Variants in HTR1F observed in about 807,000 individuals in gnomAD.
The protein encoded by HTR1F is 5-hydroxytryptamine receptor 1F.
In HTR1F, 17 loss-of-function variants were observed where a neutral mutation model predicts 24.0. That is an observed-to-expected ratio of 0.71 (90% CI 0.48 to 1.06). The LOEUF (loss-of-function observed/expected upper bound fraction) is 1.06. Ranked by LOEUF, HTR1F falls within the 50% of genes least tolerant of loss-of-function variation. The probability of loss-of-function intolerance (pLI) is 0.00; values close to 1 mark genes in which losing one functional copy is unlikely to be tolerated. For missense variants in HTR1F, 391 were observed against 427.8 expected, an observed-to-expected ratio of 0.91 and a Z score of 0.76; for synonymous variants, 186 against 156.8, an observed-to-expected ratio of 1.19 and a Z score of -1.39.
At position 87,854,982 on chromosome 3, in the gene HTR1F, T is replaced by G. The variant is rs536554493; in HGVS notation, c.-43+32858T>G. On this transcript the variant is annotated intron_variant, in intron 2 of 2. Transcript: ENST00000319595. ...CTTTATGTCTCCTCAAGCAGATCTA[T>G]TCATTAGAGCATCTTTCCTAGTTGT... Among the ~76,000 whole-genome samples the G allele has an allele frequency of 2.2e-3, 333 of 152,188 alleles. 2 individuals carry two copies. Among genetic ancestry groups the G allele is most frequent in the Non-Finnish European group, 4.0e-3 (273 of 67,976 alleles).
At chr3:87,800,125 T>C (rs1298427504) in intron 1 of HTR1F, among the ~76,000 whole-genome samples, 1 of 152,196 alleles carries the variant, frequency 6.6e-6, no homozygotes, top group Non-Finnish European at 1.5e-5. Flanking sequence ...CCCTCATTTG[T>C]CGTTTTTCCC....
chr3:87,909,875 CAA>C (rs1703740378), intron 2 of HTR1F, among the ~76,000 whole-genome samples: 1 of 151,884 alleles, frequency 6.6e-6, no homozygotes, highest in Non-Finnish European at 1.5e-5. Flanking sequence ...AGGAAAATGA[CAA>C]AAGAGTGTAC....
rs189230518 is a variant in HTR1F, at chr3:87,960,807, T to C, written c.-42-29901T>C. 1.1e-3 allele frequency among the ~76,000 whole-genome samples: 171 copies of C among 151,856 alleles called. 2 individuals are homozygous for C. Among genetic ancestry groups the C allele is most frequent in the African/African-American group, 4.0e-3 (165 of 41,474 alleles). On this transcript the variant is annotated intron_variant, in intron 2 of 2. Coordinates refer to ENST00000319595, the MANE Select transcript of HTR1F (RefSeq NM_001322209.2). ...CTCATCTGTAATCAGAGTGAGTCGT[T>C]TGAAATCTGTCATGTTTGATGCAGC...
chr3:87,853,638 C>T lies in HTR1F; in HGVS notation c.-43+31514C>T, dbSNP rs1279831082. 2.0e-5 allele frequency among the ~76,000 whole-genome samples: 3 copies of T among 151,106 alleles called. No homozygotes were observed. The East Asian group carries it at 5.9e-4, about 29-fold the overall frequency. On this transcript the variant is annotated intron_variant, in intron 2 of 2. Transcript: ENST00000319595. ...ATTTCTGTTTTTAGGTCTTTGATGT[C>T]TTTGCTTTCCACAAGGGTTGAACTA...
chr3:87,883,998 A>G (rs956083174), intron 2 of HTR1F, among the ~76,000 whole-genome samples: 7 of 152,216 alleles, frequency 4.6e-5, no homozygotes, highest in Non-Finnish European at 8.8e-5. Flanking sequence ...AGAGAAAACC[A>G]CAAAGGTACT....
chr3:87,905,563 T>C (rs1703646727), intron 2 of HTR1F, among the ~76,000 whole-genome samples: 1 of 152,116 alleles, frequency 6.6e-6, no homozygotes, highest in Non-Finnish European at 1.5e-5. Flanking sequence ...TTGCAGAACG[T>C]TGGGATGCTC....
intron 2 of HTR1F, among the ~76,000 whole-genome samples, chr3:87,980,027 C>T (rs1274502346): frequency 6.6e-6 from 1 of 152,200 alleles, no homozygotes; most frequent in Non-Finnish European, 1.5e-5. Context: ...GGCCACAACT[C>T]TTCTCTCCTC....
At chr3:87,882,405 C>A (rs1287463509) in intron 2 of HTR1F, among the ~76,000 whole-genome samples, 1 of 152,048 alleles carries the variant, frequency 6.6e-6, no homozygotes, top group Non-Finnish European at 1.5e-5. Flanking sequence ...GACATATGCA[C>A]ACATATGTTT....
At chr3:87,881,337 C>T (rs950489867) in intron 2 of HTR1F, among the ~76,000 whole-genome samples, 1 of 152,190 alleles carries the variant, frequency 6.6e-6, no homozygotes, top group Non-Finnish European at 1.5e-5. Flanking sequence ...GCTAGCACAG[C>T]AGTCTGAGAT....
intron 2 of HTR1F, among the ~76,000 whole-genome samples, chr3:87,868,120 A>G (rs919461989): frequency 3.9e-5 from 6 of 152,112 alleles, no homozygotes; most frequent in African/African-American, 1.4e-4. Context: ...TTCATCAAAT[A>G]AAATATGTAC....
chr3:87,832,145 T>A (rs1439380221), intron 2 of HTR1F, among the ~76,000 whole-genome samples: 2 of 152,090 alleles, frequency 1.3e-5, no homozygotes, highest in Non-Finnish European at 2.9e-5. Flanking sequence ...TCGTATTGAG[T>A]AACTAAAGCT....
At chr3:87,942,525 T>G (rs1237918591) in intron 2 of HTR1F, among the ~76,000 whole-genome samples, 1 of 152,150 alleles carries the variant, frequency 6.6e-6, no homozygotes, top group African/African-American at 2.4e-5. Flanking sequence ...TCAGAGGACT[T>G]TTGTCCCCTG....
intron 2 of HTR1F, among the ~76,000 whole-genome samples, chr3:87,843,300 G>A (rs184812523): frequency 1.1e-3 from 174 of 151,902 alleles, no homozygotes; most frequent in Non-Finnish European, 9.1e-4. Flanking sequence ...ATGCTTTGCT[G>A]CATTCTGTTC....
chr3:87,806,069 A>G (rs562280101), intron 1 of HTR1F, among the ~76,000 whole-genome samples: 1 of 152,088 alleles, frequency 6.6e-6, no homozygotes, highest in African/African-American at 2.4e-5. Flanking sequence ...TTCCATGCAC[A>G]TGACTGCAAA....
intron 2 of HTR1F, among the ~76,000 whole-genome samples, chr3:87,855,468 G>A (rs1322724149): frequency 6.6e-6 from 1 of 151,904 alleles, no homozygotes; most frequent in Non-Finnish European, 1.5e-5. Flanking sequence ...CCCTCCAGTC[G>A]CTTTTTCTGT....
At chr3:87,919,358 C>A (rs1032516639) in intron 2 of HTR1F, among the ~76,000 whole-genome samples, 2 of 151,900 alleles carry the variant, frequency 1.3e-5, no homozygotes, top group Admixed American at 1.3e-4. Flanking sequence ...GCAATAACAA[C>A]AAAGATAAAA....
chr3:87,877,814 A>T (rs1197964119), intron 2 of HTR1F, among the ~76,000 whole-genome samples: 3 of 152,186 alleles, frequency 2.0e-5, no homozygotes, highest in Admixed American at 1.3e-4. Flanking sequence ...TACAAATGTG[A>T]ACACTGTTTG....
rs1346634370 is a variant in HTR1F at position 87,933,322 on chromosome 3, C to T, written c.-42-57386C>T. Among the ~76,000 whole-genome samples, 11 of 150,760 alleles carry T rather than the reference C, an allele frequency of 7.3e-5. No individual in the cohort carries two copies. In the East Asian group the frequency reaches 1.9e-3, roughly 27 times the overall value. On this transcript the variant is annotated intron_variant, in intron 2 of 2. Transcript: ENST00000319595. ...ACAGGGATGCCCTCTCTCACCACTC[C>T]TATTCAACATAGTGTTGGAAGTTCT...
chr3:87,934,005 G>T (rs1464575961), intron 2 of HTR1F, among the ~76,000 whole-genome samples: 1 of 152,102 alleles, frequency 6.6e-6, no homozygotes, highest in Non-Finnish European at 1.5e-5. Flanking sequence ...AGCTTTTCCA[G>T]TCCCTGGGAA....
Sources: allele counts gnomAD v4.1 joint callset (sites outside exome capture counted in the v4.1 genomes callset), GRCh38; gene constraint gnomAD v4.1.1; transcripts MANE v1.5; gene names NCBI Gene and HGNC (gene_info 2026-07-23, HGNC 2026-07-21).